Variants in CTNNA2 observed in about 807,000 individuals in gnomAD.
CTNNA2 encodes catenin alpha 2.
Under a neutral mutation model 101.0 loss-of-function variants are expected in CTNNA2, and 42 were observed. The observed-to-expected ratio is 0.42, with a 90% CI of 0.32 to 0.54. The LOEUF is 0.54. CTNNA2 is among the 20% of genes least tolerant of loss of function. CTNNA2 has a pLI of 0.14. For synonymous variants in CTNNA2, 450 were observed against 456.4 expected, an observed-to-expected ratio of 0.99 and a Z score of 0.18; for missense variants, 871 against 1,223.1, an observed-to-expected ratio of 0.71 and a Z score of 4.29.
At position 80,422,108 on chromosome 2, in the gene CTNNA2, T is replaced by C. The variant is rs566639095; in HGVS notation, c.1290+2507T>C. On this transcript the variant is annotated intron_variant, in intron 9 of 18. Transcript: ENST00000402739. ...ATCATATGCAAGACTGGGTAATTTA[T>C]AAATGAAAGAAGTTTAATTGACTCA... is the stretch of plus-strand genomic sequence containing the variant. Among the ~76,000 whole-genome samples, 804 of 152,318 alleles carry C rather than the reference T, an allele frequency of 5.3e-3. 6 individuals carry two copies. Among genetic ancestry groups the C allele is most frequent in the South Asian group, 0.018 (85 of 4,830 alleles).
At chr2:79,823,605 A>T (rs1397779654) in intron 3 of CTNNA2, among the ~76,000 whole-genome samples, 1 of 152,144 alleles carries the variant, frequency 6.6e-6, no homozygotes, top group East Asian at 1.9e-4. Flanking sequence ...CCTTCAGAAA[A>T]ATAGAGATAG....
chr2:80,410,996 A>G (rs931627310), intron 8 of CTNNA2, among the ~76,000 whole-genome samples: 1 of 152,196 alleles, frequency 6.6e-6, no homozygotes, highest in Non-Finnish European at 1.5e-5. Context: ...AGATTTCTCT[A>G]TAGTAAGGCT....
At chr2:80,283,850 G>A (rs1047756435) in intron 7 of CTNNA2, among the ~76,000 whole-genome samples, 3 of 152,046 alleles carry the variant, frequency 2.0e-5, no homozygotes, top group African/African-American at 7.2e-5. Context: ...GAAGGGTAAG[G>A]AAAGGAAGAG....
chr2:80,136,686 C>T (rs140887871), intron 7 of CTNNA2, among the ~76,000 whole-genome samples: 6 of 152,118 alleles, frequency 3.9e-5, no homozygotes, highest in Non-Finnish European at 8.8e-5. Flanking sequence ...ACTCTTTGGC[C>T]TCTTGCAAAA....
intron 7 of CTNNA2, among the ~76,000 whole-genome samples, chr2:79,918,734 C>T (rs1378686979): frequency 6.6e-6 from 1 of 152,092 alleles, no homozygotes; most frequent in Non-Finnish European, 1.5e-5. Context: ...ATACTAATGC[C>T]TTCCAGAGGA....
intron 3 of CTNNA2, among the ~76,000 whole-genome samples, chr2:79,794,399 A>T (rs1225475016): frequency 2.1e-5 from 3 of 144,198 alleles, no homozygotes; most frequent in African/African-American, 7.4e-5. Flanking sequence ...CAAAGTGAGT[A>T]TTTATTTATT....
intron 6 of CTNNA2, among the ~76,000 whole-genome samples, chr2:79,890,034 A>G (rs1162482137): frequency 6.6e-6 from 1 of 152,202 alleles, no homozygotes; most frequent in Non-Finnish European, 1.5e-5. Flanking sequence ...TGTGAATACT[A>G]AGAATGTAAG....
At chr2:79,185,883 T>G (rs561221389) in intron 1 of CTNNA2, among the ~76,000 whole-genome samples, 2 of 152,170 alleles carry the variant, frequency 1.3e-5, no homozygotes, top group South Asian at 4.1e-4. Context: ...AGGGAAGATG[T>G]GTGGTGTTTA....
At chr2:80,295,605 G>A (rs1184468883) in intron 7 of CTNNA2, among the ~76,000 whole-genome samples, 1 of 152,114 alleles carries the variant, frequency 6.6e-6, no homozygotes, top group Non-Finnish European at 1.5e-5. Context: ...GGGAAAAAAT[G>A]GTAAAATAGA....
At chr2:80,606,414 C>A (rs2570776) in intron 16 of CTNNA2, among the ~76,000 whole-genome samples, 4,755 of 51,390 alleles carry the variant, frequency 0.093, 67 homozygotes, top group East Asian at 0.13. Context: ...ACACACACAC[C>A]CCCCAGGATA....
intron 3 of CTNNA2, among the ~76,000 whole-genome samples, chr2:79,360,710 G>A (rs1030529134): frequency 6.6e-6 from 1 of 152,162 alleles, no homozygotes; most frequent in Admixed American, 6.5e-5. Flanking sequence ...AATGTAGAGG[G>A]TGAGGGTAAA....
chr2:79,975,843 A>G (rs980138805), intron 7 of CTNNA2, among the ~76,000 whole-genome samples: 2 of 152,226 alleles, frequency 1.3e-5, no homozygotes, highest in Non-Finnish European at 1.5e-5. Flanking sequence ...ATTATCTGGA[A>G]GCTCTTCCAA....
At chr2:79,359,001 G>T (rs1228683265) in intron 3 of CTNNA2, among the ~76,000 whole-genome samples, 1 of 152,046 alleles carries the variant, frequency 6.6e-6, no homozygotes, top group Non-Finnish European at 1.5e-5. Context: ...CCTACTGTAG[G>T]CCACAGTTAC....
chr2:79,812,264 T>G (rs1677102463), intron 3 of CTNNA2, among the ~76,000 whole-genome samples: 1 of 152,160 alleles, frequency 6.6e-6, no homozygotes, highest in Non-Finnish European at 1.5e-5. Flanking sequence ...GGACTTCCAT[T>G]ATCATGGTGA....
intron 9 of CTNNA2, among the ~76,000 whole-genome samples, chr2:80,435,176 T>G (rs1392689300): frequency 6.6e-6 from 1 of 152,204 alleles, no homozygotes. Flanking sequence ...CATCCCTGGT[T>G]GAGAATCACT....
chr2:79,340,673 A>C (rs1260648623), intron 3 of CTNNA2, among the ~76,000 whole-genome samples: 1 of 151,994 alleles, frequency 6.6e-6, no homozygotes, highest in Non-Finnish European at 1.5e-5. Flanking sequence ...CTCTACTAAA[A>C]ATACAAAAAT....
chr2:79,754,868 G>A (rs2105050900), intron 3 of CTNNA2, among the ~76,000 whole-genome samples: 1 of 151,840 alleles, frequency 6.6e-6, no homozygotes, highest in East Asian at 1.9e-4. Flanking sequence ...TCCACTGAAG[G>A]AGGATACCTT....
At chr2:79,442,076 T>A (rs77860227) in intron 4 of CTNNA2, among the ~76,000 whole-genome samples, 8,732 of 152,276 alleles carry the variant, frequency 0.057, 261 homozygotes, top group Non-Finnish European at 0.061. Flanking sequence ...TTTATCACAA[T>A]CTGTAATTGT....
chr2:79,761,528 GTATT>G (rs1283333835), intron 3 of CTNNA2, among the ~76,000 whole-genome samples: 1 of 152,142 alleles, frequency 6.6e-6, no homozygotes, highest in Non-Finnish European at 1.5e-5. Context: ...AAGCATAAAA[GTATT>G]TAATAACATT....
Sources: gnomAD v4.1 joint callset for allele counts (sites outside exome capture counted in the v4.1 genomes callset) on GRCh38, gnomAD v4.1.1 for gene constraint, MANE v1.5 for transcripts, NCBI Gene and HGNC (gene_info 2026-07-23, HGNC 2026-07-21) for gene names.